Variants in ARB2A observed in about 807,000 individuals in gnomAD.
ARB2A encodes the protein ARB2 cotranscriptional regulator A.
chr5:94,020,858 T>C, the ARB2A span, among the ~76,000 whole-genome samples: 23 of 152,286 alleles, frequency 1.5e-4, no homozygotes, highest in Admixed American at 1.3e-3. Context: ...AAGCCCATGA[T>C]TGCCATCCAG....
the ARB2A span, among the ~76,000 whole-genome samples, chr5:93,833,972 A>T: frequency 1.3e-5 from 2 of 151,988 alleles, no homozygotes; most frequent in Non-Finnish European, 2.9e-5. Flanking sequence ...TAGTATTTTA[A>T]CCCTTGCCCC....
At chr5:93,856,103 T>C in the ARB2A span, among the ~76,000 whole-genome samples, 1 of 152,150 alleles carries the variant, frequency 6.6e-6, no homozygotes, top group Non-Finnish European at 1.5e-5. Flanking sequence ...GAATAACCAA[T>C]ACAGAGTACA....
chr5:93,899,313 A>C, the ARB2A span, among the ~76,000 whole-genome samples: 1 of 152,176 alleles, frequency 6.6e-6, no homozygotes, highest in Admixed American at 6.6e-5. Context: ...AGCAGTATGC[A>C]TGATGTGTTT....
chr5:93,851,981 G>A, the ARB2A span, among the ~76,000 whole-genome samples: 1 of 152,142 alleles, frequency 6.6e-6, no homozygotes, highest in Non-Finnish European at 1.5e-5. Context: ...TAATAGGATG[G>A]CTGGGTCAAA....
At chr5:93,739,923 G>A in the ARB2A span, 1 of 149,234 alleles carries the variant, frequency 6.7e-6, no homozygotes, top group African/African-American at 2.5e-5. Flanking sequence ...AGTCCCATGG[G>A]ACTACATAAA....
the ARB2A span, among the ~76,000 whole-genome samples, chr5:93,914,413 T>G: frequency 6.6e-6 from 1 of 151,950 alleles, no homozygotes; most frequent in African/African-American, 2.4e-5. Flanking sequence ...TTATATGCAG[T>G]TAAAATGTGA....
chr5:94,023,042 T>G, the ARB2A span, among the ~76,000 whole-genome samples: 5 of 152,226 alleles, frequency 3.3e-5, no homozygotes, highest in African/African-American at 9.6e-5. Flanking sequence ...ACTTGAACTG[T>G]GAGTGCTGGA....
At chr5:93,822,246 T>A in the ARB2A span, among the ~76,000 whole-genome samples, 7 of 152,220 alleles carry the variant, frequency 4.6e-5, no homozygotes, top group South Asian at 1.4e-3. Flanking sequence ...AGGTCAGAAG[T>A]CAAGTCTTGT....
chr5:93,700,367 A>C, the ARB2A span, among the ~76,000 whole-genome samples: 3 of 152,148 alleles, frequency 2.0e-5, no homozygotes, highest in Admixed American at 2.0e-4. Context: ...TGATGGGGAG[A>C]CATAGAATAT....
chr5:93,725,855 G>A, the ARB2A span, among the ~76,000 whole-genome samples: 10 of 152,192 alleles, frequency 6.6e-5, no homozygotes, highest in East Asian at 9.7e-4. Flanking sequence ...TGTCCTCCTG[G>A]TCTGTGGTAC....
At chr5:93,819,144 C>CCA in the ARB2A span, among the ~76,000 whole-genome samples, 1 of 142,700 alleles carries the variant, frequency 7.0e-6, no homozygotes, top group Non-Finnish European at 1.5e-5. Flanking sequence ...CGAGATCGCG[C>CCA]CACTGCACTC....
At chr5:93,774,525 C>T in the ARB2A span, among the ~76,000 whole-genome samples, 2 of 152,194 alleles carry the variant, frequency 1.3e-5, no homozygotes, top group African/African-American at 4.8e-5. Context: ...TAAGGTTGAA[C>T]AAGGTCATGT....
chr5:94,015,977 A>T, the ARB2A span, among the ~76,000 whole-genome samples: 1 of 152,140 alleles, frequency 6.6e-6, no homozygotes, highest in Non-Finnish European at 1.5e-5. Context: ...ACAATTCTCT[A>T]ATTAAAAAGC....
chr5:93,922,286 A>G, the ARB2A span, among the ~76,000 whole-genome samples: 1 of 151,692 alleles, frequency 6.6e-6, no homozygotes, highest in African/African-American at 2.4e-5. Flanking sequence ...GATATGGGGG[A>G]AAAAAATTGA....
At chr5:93,879,012 A>G in the ARB2A span, among the ~76,000 whole-genome samples, 189 of 152,266 alleles carry the variant, frequency 1.2e-3, no homozygotes, top group African/African-American at 4.3e-3. Flanking sequence ...AGGCTGTCAC[A>G]AAGAATAGAA....
chr5:93,964,855 T>C, the ARB2A span, among the ~76,000 whole-genome samples: 2 of 152,056 alleles, frequency 1.3e-5, no homozygotes, highest in Admixed American at 6.6e-5. Context: ...TATTTTCCTA[T>C]AGGCATTATA....
chr5:93,789,149 C>A, the ARB2A span, among the ~76,000 whole-genome samples: 1 of 152,130 alleles, frequency 6.6e-6, no homozygotes, highest in African/African-American at 2.4e-5. Context: ...TCAGCAAAAG[C>A]CATTACTTTC....
the ARB2A span, among the ~76,000 whole-genome samples, chr5:93,815,055 G>A: frequency 6.6e-6 from 1 of 151,926 alleles, no homozygotes; most frequent in Admixed American, 6.6e-5. Flanking sequence ...GTTGCCCTGG[G>A]TGGTCTCAAA....
the ARB2A span, among the ~76,000 whole-genome samples, chr5:93,959,675 A>T: frequency 9.2e-5 from 14 of 152,196 alleles, no homozygotes; most frequent in Non-Finnish European, 1.5e-5. Context: ...ATTTTTACAA[A>T]GCCACATTAT....
Sources: allele counts gnomAD v4.1 joint callset (sites outside exome capture counted in the v4.1 genomes callset), GRCh38; gene constraint gnomAD v4.1.1; transcripts MANE v1.5; gene names NCBI Gene and HGNC (gene_info 2026-07-23, HGNC 2026-07-21).